The following ARHGAP24 variants were observed in gnomAD, a reference collection of about 807,000 sequenced individuals.
ARHGAP24 encodes Rho GTPase activating protein 24.
Under a neutral mutation model 76.4 loss-of-function variants are expected in ARHGAP24, and 50 were observed. The observed-to-expected ratio is 0.65, with a 90% CI of 0.52 to 0.83. ARHGAP24 has a LOEUF of 0.83. Among genes scored for constraint, ARHGAP24 ranks in the 40% least tolerant of loss-of-function variants. ARHGAP24 has a pLI of 0.00. For missense variants in ARHGAP24, 930 were observed against 914.2 expected (o/e 1.02, Z -0.22); for synonymous variants, 345 against 323.3 (o/e 1.07, Z -0.72).
intron 2 of ARHGAP24, among the ~76,000 whole-genome samples, chr4:85,681,447 A>G (rs992638131): frequency 1.3e-5 from 2 of 152,196 alleles, no homozygotes; most frequent in African/African-American, 2.4e-5. Flanking sequence ...AGCCTTTGCT[A>G]ACTCATGTGA....
chr4:85,842,684 G>A (rs775491285), intron 3 of ARHGAP24, among the ~76,000 whole-genome samples: 4 of 152,218 alleles, frequency 2.6e-5, no homozygotes, highest in Non-Finnish European at 5.9e-5. Flanking sequence ...AACATTGTTT[G>A]TAGAAAGCCT....
intron 1 of ARHGAP24, among the ~76,000 whole-genome samples, chr4:85,525,913 T>C (rs1443927633): frequency 6.6e-6 from 1 of 152,188 alleles, no homozygotes; most frequent in African/African-American, 2.4e-5. Flanking sequence ...TCTCACCCTT[T>C]ATGTCAGAAA....
chr4:85,978,234 C>T (rs1461456291), intron 8 of ARHGAP24, among the ~76,000 whole-genome samples: 6 of 152,116 alleles, frequency 3.9e-5, no homozygotes, highest in Non-Finnish European at 7.4e-5. Context: ...TGCTCTATGT[C>T]ATTAATAGCA....
At chr4:85,783,736 A>G (rs1345375057) in intron 3 of ARHGAP24, among the ~76,000 whole-genome samples, 2 of 151,656 alleles carry the variant, frequency 1.3e-5, no homozygotes, top group Non-Finnish European at 3.0e-5. Flanking sequence ...CTTTATTCTC[A>G]AGGAGTGATA....
intron 1 of ARHGAP24, among the ~76,000 whole-genome samples, chr4:85,544,672 A>G (rs1725833797): frequency 6.6e-6 from 1 of 152,040 alleles, no homozygotes; most frequent in South Asian, 2.1e-4. Flanking sequence ...ATATACATAC[A>G]TATATGTATA....
At chr4:85,994,523 GA>G (rs992835292) in intron 8 of ARHGAP24, 59 bp from the exon 9 acceptor site, 1 of 1,493,488 alleles carries the variant, frequency 6.7e-7, no homozygotes, top group African/African-American at 1.4e-5. Context: ...GAGTCACATT[GA>G]AATAGAAATA....
At chr4:85,497,432 A>G (rs1723623870) in intron 1 of ARHGAP24, among the ~76,000 whole-genome samples, 2 of 152,374 alleles carry the variant, frequency 1.3e-5, no homozygotes, top group South Asian at 4.1e-4. Context: ...AAATAATTAT[A>G]TAAATGCAAA....
At chr4:85,713,425 A>C (rs1434126361) in intron 2 of ARHGAP24, among the ~76,000 whole-genome samples, 4 of 152,216 alleles carry the variant, frequency 2.6e-5, no homozygotes, top group African/African-American at 9.6e-5. Context: ...GCAAAATAAA[A>C]ATCATCTATA....
chr4:86,002,358 TTC>T lies in ARHGAP24; in HGVS notation c.*1644_*1645del, dbSNP rs949211548. On this transcript the variant is annotated 3_prime_UTR_variant, in exon 10 of 10. Transcript: ENST00000395184. Reference sequence around the variant, plus strand: ...TAGCAATAATTTCTTTAATTCCCTTTTCTCTCTCTTTCCAATTATTTAACCAG... The same window carrying T: ...TAGCAATAATTTCTTTAATTCCCTTTTCTCTCTTTCCAATTATTTAACCAG... 1.3e-5 allele frequency: 2 copies of T among 152,206 alleles called. No homozygotes were observed. The highest frequency in any genetic ancestry group is 1.3e-4 in the Admixed American group (2 of 15,288). 9.4% of individuals were successfully genotyped at this position (152,206 alleles called of 1,614,324 possible).
At chr4:85,689,299 A>G (rs1723542929) in intron 2 of ARHGAP24, among the ~76,000 whole-genome samples, 1 of 152,118 alleles carries the variant, frequency 6.6e-6, no homozygotes, top group Non-Finnish European at 1.5e-5. Context: ...ATTTCATTTT[A>G]TTGATGGCTA....
intron 3 of ARHGAP24, among the ~76,000 whole-genome samples, chr4:85,875,902 C>T (rs1254665634): frequency 6.6e-6 from 1 of 151,086 alleles, no homozygotes; most frequent in Non-Finnish European, 1.5e-5. Context: ...GCCATCATGC[C>T]TAGCTAATTT....
chr4:85,600,605 G>A (rs1267168173), intron 2 of ARHGAP24, among the ~76,000 whole-genome samples: 1 of 152,136 alleles, frequency 6.6e-6, no homozygotes, highest in Non-Finnish European at 1.5e-5. Context: ...TCCTTTGGAA[G>A]GCTAAAAGCC....
chr4:85,561,752 T>C (rs1188960668), intron 1 of ARHGAP24, among the ~76,000 whole-genome samples: 1 of 152,170 alleles, frequency 6.6e-6, no homozygotes, highest in Non-Finnish European at 1.5e-5. Context: ...GACACGTAAC[T>C]GTGTATTTAA....
intron 2 of ARHGAP24, among the ~76,000 whole-genome samples, chr4:85,689,715 G>C (rs1435420807): frequency 6.6e-6 from 1 of 152,152 alleles, no homozygotes; most frequent in Non-Finnish European, 1.5e-5. Flanking sequence ...CATTGACGAT[G>C]TATCCTGAAA....
intron 8 of ARHGAP24, chr4:85,992,024 A>C (rs1740360455): frequency 5.1e-6 from 2 of 395,704 alleles, no homozygotes; most frequent in Non-Finnish European, 8.9e-6. Context: ...CAACCTGTAT[A>C]AAATTATATG....
chr4:85,782,213 G>C (rs1727599779), intron 3 of ARHGAP24, among the ~76,000 whole-genome samples: 1 of 152,080 alleles, frequency 6.6e-6, no homozygotes, highest in Admixed American at 6.5e-5. Context: ...ATTCAGTAAA[G>C]CTTTTCCTCA....
At chr4:85,854,231 T>G (rs1419550128) in intron 3 of ARHGAP24, among the ~76,000 whole-genome samples, 1 of 150,620 alleles carries the variant, frequency 6.6e-6, no homozygotes, top group Non-Finnish European at 1.5e-5. Context: ...AGAGGCAAAA[T>G]GTAATAATCA....
rs537991159 is a variant in ARHGAP24 at position 85,698,868 on chromosome 4, G to C, written c.181-23017G>C. On this transcript the variant is annotated intron_variant, in intron 2 of 9. Coordinates refer to ENST00000395184, the MANE Select transcript of ARHGAP24 (RefSeq NM_001025616.3). Reference sequence around the variant, plus strand: ...TGGGCAGGAAGTGTTTGAGTCATGAGGGTAGGTCCCTCATAGCCGGTGCTG... The same window carrying C: ...TGGGCAGGAAGTGTTTGAGTCATGACGGTAGGTCCCTCATAGCCGGTGCTG... Among the ~76,000 whole-genome samples, 9 of 152,306 alleles carry C rather than the reference G, an allele frequency of 5.9e-5. No homozygotes were observed. In the East Asian group the frequency reaches 1.7e-3, roughly 29 times the overall value.
intron 3 of ARHGAP24, among the ~76,000 whole-genome samples, chr4:85,759,185 C>T (rs1275613131): frequency 6.6e-6 from 1 of 152,130 alleles, no homozygotes; most frequent in Non-Finnish European, 1.5e-5. Context: ...TCTGGGGACC[C>T]CTTGCATTCA....
Sources: allele counts gnomAD v4.1 joint callset (sites outside exome capture counted in the v4.1 genomes callset), GRCh38; gene constraint gnomAD v4.1.1; transcripts MANE v1.5; gene names NCBI Gene and HGNC (gene_info 2026-07-23, HGNC 2026-07-21).